The following SCFD1 variants were observed in gnomAD, a reference collection of about 807,000 sequenced individuals.
SCFD1 encodes the protein sec1 family domain-containing protein 1.
Under a neutral mutation model 103.2 loss-of-function variants are expected in SCFD1, and 37 were observed. That is an observed-to-expected ratio of 0.36 (90% CI 0.28 to 0.47). SCFD1 has a LOEUF of 0.47. SCFD1 is among the 20% of genes least tolerant of loss of function. SCFD1 has a pLI of 1.00. For missense variants in SCFD1, 639 were observed against 761.2 expected, an observed-to-expected ratio of 0.84 and a Z score of 1.89; for synonymous variants, 264 against 245.0, an observed-to-expected ratio of 1.08 and a Z score of -0.73.
chr14:30,677,827 CTTTTTTTT>C (rs58942207), intron 14 of SCFD1, among the ~76,000 whole-genome samples: 4 of 67,516 alleles, frequency 5.9e-5, no homozygotes, highest in African/African-American at 1.3e-4. Context: ...ACCTAAGCAC[CTTTTTTTT>C]TTTTTTTTTT....
chr14:30,713,965 T>C (rs1892078491), intron 19 of SCFD1, among the ~76,000 whole-genome samples: 1 of 152,196 alleles, frequency 6.6e-6, no homozygotes, highest in Non-Finnish European at 1.5e-5. Flanking sequence ...AAAGCACATT[T>C]AAATCTGCAC....
chr14:30,710,332 T>TAAAAAAA (rs397853428), intron 19 of SCFD1, among the ~76,000 whole-genome samples: 1 of 82,022 alleles, frequency 1.2e-5, no homozygotes, highest in Non-Finnish European at 2.2e-5. Flanking sequence ...GCCATGTCAT[T>TAAAAAAA]AAAAAAAAAA....
Position 30,721,925 on chromosome 14 carries a change from T to G in SCFD1, c.1770+8T>G. ...AAAAATCCATTCCAAGAGGTAAGTT[T>G]CATATAAAAATTCTCTGTTCCTAGA... On this transcript the variant is annotated splice_region_variant and intron_variant, in intron 22 of 24. Coordinates refer to ENST00000458591, the MANE Select transcript of SCFD1 (RefSeq NM_016106.4). The G allele has an allele frequency of 6.3e-7, 1 of 1,599,640 alleles. No homozygotes were observed. The highest frequency in any genetic ancestry group is 1.3e-5 in the African/African-American group (1 of 74,622).
chr14:30,646,899 T>C (rs997415285), intron 7 of SCFD1, among the ~76,000 whole-genome samples: 6 of 152,160 alleles, frequency 3.9e-5, no homozygotes, highest in African/African-American at 1.2e-4. Context: ...TTTGTGTTCA[T>C]AGGGGTGTTT....
intron 6 of SCFD1, among the ~76,000 whole-genome samples, chr14:30,642,141 G>T (rs912465564): frequency 3.2e-4 from 49 of 152,044 alleles, no homozygotes; most frequent in Non-Finnish European, 5.0e-4. Flanking sequence ...AGGCTGGAGT[G>T]CAGTGGTATG....
chr14:30,731,599 A>G (rs531863783), intron 23 of SCFD1, among the ~76,000 whole-genome samples: 2 of 152,130 alleles, frequency 1.3e-5, no homozygotes, highest in African/African-American at 2.4e-5. Context: ...TAGGTATTTT[A>G]TTCTCTTTGA....
At chr14:30,645,892 T>G (rs1015932910) in intron 7 of SCFD1, among the ~76,000 whole-genome samples, 5 of 152,210 alleles carry the variant, frequency 3.3e-5, no homozygotes, top group Admixed American at 2.0e-4. Flanking sequence ...CTTGTCTTAT[T>G]CAAGTTCTCA....
chr14:30,655,643 G>A (rs1264407715), intron 10 of SCFD1, among the ~76,000 whole-genome samples: 1 of 152,196 alleles, frequency 6.6e-6, no homozygotes, highest in Non-Finnish European at 1.5e-5. Context: ...TAAGGGCTGT[G>A]TTTTTTATAC....
intron 20 of SCFD1, among the ~76,000 whole-genome samples, chr14:30,716,337 T>C (rs1381896264): frequency 6.6e-6 from 1 of 152,212 alleles, no homozygotes; most frequent in Non-Finnish European, 1.5e-5. Flanking sequence ...TTTAATTTTA[T>C]AAAAGTTAAA....
chr14:30,700,832 C>T (rs1891032818), intron 16 of SCFD1, among the ~76,000 whole-genome samples: 1 of 152,240 alleles, frequency 6.6e-6, no homozygotes, highest in Non-Finnish European at 1.5e-5. Context: ...CAGTGGCCAA[C>T]ATTCTTATTT....
At chr14:30,668,619 A>G (rs1050441373) in intron 10 of SCFD1, among the ~76,000 whole-genome samples, 1 of 152,264 alleles carries the variant, frequency 6.6e-6, no homozygotes, top group Non-Finnish European at 1.5e-5. Context: ...GGCGGCCTAC[A>G]GAATGGGAGA....
intron 14 of SCFD1, among the ~76,000 whole-genome samples, chr14:30,678,220 A>G (rs553930809): frequency 1.3e-5 from 2 of 152,280 alleles, no homozygotes; most frequent in African/African-American, 2.4e-5. Flanking sequence ...TTAGTTTTAC[A>G]TATTTCTTCT....
At chr14:30,667,556 G>A (rs1356292792) in intron 10 of SCFD1, among the ~76,000 whole-genome samples, 1 of 152,064 alleles carries the variant, frequency 6.6e-6, no homozygotes, top group African/African-American at 2.4e-5. Context: ...TTCTGGCCAG[G>A]GCAGTCAGGC....
intron 14 of SCFD1, among the ~76,000 whole-genome samples, chr14:30,677,748 C>T (rs374803929): frequency 1.3e-4 from 20 of 150,596 alleles, no homozygotes; most frequent in African/African-American, 4.6e-4. Flanking sequence ...TATTTTGCTC[C>T]GTAATCTCTT....
At chr14:30,657,873 A>G (rs1229553776) in intron 10 of SCFD1, among the ~76,000 whole-genome samples, 1 of 152,154 alleles carries the variant, frequency 6.6e-6, no homozygotes, top group African/African-American at 2.4e-5. Context: ...TTGTTTATAT[A>G]TTAGAACTTA....
intron 14 of SCFD1, among the ~76,000 whole-genome samples, chr14:30,688,693 G>T: frequency 1.5e-5 from 1 of 68,776 alleles, no homozygotes; most frequent in Non-Finnish European, 2.3e-5. Flanking sequence ...CTTTTATTTT[G>T]AGCCTATGTG....
intron 1 of SCFD1, among the ~76,000 whole-genome samples, chr14:30,625,683 G>A (rs1883347545): frequency 6.6e-6 from 1 of 151,882 alleles, no homozygotes; most frequent in Non-Finnish European, 1.5e-5. Flanking sequence ...AGGCATATAG[G>A]TATACCTATA....
chr14:30,643,107 A>T (rs1885449697), intron 6 of SCFD1, among the ~76,000 whole-genome samples: 1 of 152,144 alleles, frequency 6.6e-6, no homozygotes, highest in Admixed American at 6.5e-5. Context: ...CAGGAGGTTG[A>T]GGCTGCAGTA....
chr14:30,729,515 A>C (rs1022661107), intron 23 of SCFD1, among the ~76,000 whole-genome samples: 2 of 152,038 alleles, frequency 1.3e-5, no homozygotes, highest in African/African-American at 4.8e-5. Context: ...GTATGGGTTT[A>C]TTTCTGAACT....
Sources: gnomAD v4.1 joint callset for allele counts (sites outside exome capture counted in the v4.1 genomes callset) on GRCh38, gnomAD v4.1.1 for gene constraint, MANE v1.5 for transcripts, NCBI Gene and HGNC (gene_info 2026-07-23, HGNC 2026-07-21) for gene names.